ANKRD13B: variants seen among roughly 807,000 people sequenced by gnomAD.
ANKRD13B encodes ankyrin repeat domain-containing protein 13B.
Under a neutral mutation model 74.4 loss-of-function variants are expected in ANKRD13B, and 33 were observed. That is an observed-to-expected ratio of 0.44 (90% CI 0.34 to 0.59). The LOEUF is 0.59. Among genes scored for constraint, ANKRD13B ranks in the 20% least tolerant of loss-of-function variants. The pLI, the probability that ANKRD13B is intolerant of heterozygous loss-of-function variation, is 0.02. For missense variants in ANKRD13B, 676 were observed against 877.9 expected (o/e 0.77, Z 2.91); for synonymous variants, 341 against 362.9 (o/e 0.94, Z 0.68).
In ANKRD13B at chr17:29,608,102, C is replaced by G; in HGVS notation, c.367C>G (p.Leu123Val). 1 of 1,613,152 alleles carries G rather than the reference C, an allele frequency of 6.2e-7. No individual in the cohort carries two copies. Among genetic ancestry groups the G allele is most frequent in the Non-Finnish European group, 8.5e-7 (1 of 1,179,670 alleles). Residue 123 changes from leucine to valine, a missense_variant, in exon 3 of 15, where the codon CTG (leucine) becomes GTG (valine). By Grantham distance (32) the Leu-to-Val change is conservative. Transcript: ENST00000394859. This position sits in a 1 kb window ranked among gnomAD's most constrained non-coding sequence, Gnocchi z 6.4. ...LAGIPVLLEK[L>V]RKAQDFYVEM... Reference sequence around the variant, plus strand: ...GGGCATCCCCGTGCTCCTGGAGAAGCTGCGCAAGGTGAGGCCCAGCCTCTC... The same window carrying G: ...GGGCATCCCCGTGCTCCTGGAGAAGGTGCGCAAGGTGAGGCCCAGCCTCTC...
At position 29,608,277 on chromosome 17, in the gene ANKRD13B, C is replaced by T. The variant is rs759966152; in HGVS notation, c.421+37C>T. The T allele has an allele frequency of 6.8e-6, 11 of 1,613,290 alleles. No homozygotes were observed. The highest frequency in any genetic ancestry group is 9.3e-6 in the Non-Finnish European group (11 of 1,179,520). ...GCAGCAGGTCGCTTCTGGGCTCTCCCACTTTAGGTCCTGCGCTTGCTCCCC... is the reference window on the plus strand; with the variant it reads ...GCAGCAGGTCGCTTCTGGGCTCTCCTACTTTAGGTCCTGCGCTTGCTCCCC... On this transcript the variant is annotated intron_variant, in intron 4 of 14. Coordinates refer to ENST00000394859, the MANE Select transcript of ANKRD13B (RefSeq NM_152345.5). The surrounding 1 kb of genome is among the most constrained non-coding windows in gnomAD (Gnocchi z 6.4).
intron 1 of ANKRD13B, among the ~76,000 whole-genome samples, chr17:29,606,284 C>T (rs995374231): frequency 9.4e-5 from 14 of 148,766 alleles, no homozygotes; most frequent in South Asian, 2.3e-4. Context: ...TAAGACCGGG[C>T]GTGGTGGCTC....
At chr17:29,603,327 G>A (rs915864744) in intron 1 of ANKRD13B, among the ~76,000 whole-genome samples, 6 of 151,764 alleles carry the variant, frequency 4.0e-5, no homozygotes, top group African/African-American at 1.2e-4. Context: ...CTGCAGCCTC[G>A]AACTCCTGGG....
At chr17:29,601,122 C>T (rs1471681775) in intron 1 of ANKRD13B, among the ~76,000 whole-genome samples, 3 of 151,888 alleles carry the variant, frequency 2.0e-5, no homozygotes, top group Admixed American at 2.0e-4. Flanking sequence ...CAGAGTTTCA[C>T]CACATTGCCC....
intron 1 of ANKRD13B, among the ~76,000 whole-genome samples, chr17:29,596,825 C>G (rs117421059): frequency 6.6e-6 from 1 of 152,108 alleles, no homozygotes; most frequent in Non-Finnish European, 1.5e-5. Flanking sequence ...CTAGGAAGCT[C>G]GGGAGAGGGA....
In ANKRD13B at chr17:29,611,555, T is replaced by C; in HGVS notation, c.905-24T>C. ...AGGTGTGTGTGGAGTTGCGGTGTCC[T>C]CTGAGATGCCACATTTCTTGTAGGC... On this transcript the variant is annotated intron_variant, in intron 8 of 14. Coordinates refer to ENST00000394859, the MANE Select transcript of ANKRD13B (RefSeq NM_152345.5). The surrounding 1 kb of genome is among the most constrained non-coding windows in gnomAD (Gnocchi z 4.3). 1 of 1,613,378 alleles carries C rather than the reference T, an allele frequency of 6.2e-7. No homozygotes were observed. The highest frequency in any genetic ancestry group is 8.5e-7 in the Non-Finnish European group (1 of 1,179,364).
chr17:29,612,796 C>T lies in ANKRD13B; in HGVS notation c.1556C>T (p.Ala519Val). 1 of 1,602,770 alleles carries T rather than the reference C, an allele frequency of 6.2e-7. No individual in the cohort carries two copies. Residue 519 changes from alanine (A) to valine (V), a missense_variant, in exon 13 of 15, where the codon GCG (alanine) becomes GTG (valine). By Grantham distance (64) the Ala-to-Val change is moderately conservative. Transcript: ENST00000394859. This position sits in a 1 kb window ranked among gnomAD's most constrained non-coding sequence, Gnocchi z 6.1. ...QFAIQQSLLE[A>V]GSEYDQVTIW... Reference sequence around the variant, plus strand: ...GCCATCCAGCAGAGCCTGCTTGAGGCGGGCAGTGAGTATGACCAGGTGCGT... The same window carrying T: ...GCCATCCAGCAGAGCCTGCTTGAGGTGGGCAGTGAGTATGACCAGGTGCGT...
Position 29,593,747 on chromosome 17 carries a change from T to A in ANKRD13B, c.114+12T>A. The A allele has an allele frequency of 7.3e-7, 1 of 1,373,002 alleles. No homozygotes were observed. The highest frequency in any genetic ancestry group is 9.5e-7 in the Non-Finnish European group (1 of 1,053,964). The allele number at this position is 1,373,002 out of a possible 1,614,324, so 85.1% of individuals were successfully genotyped here. A position where few individuals can be genotyped will look rare whatever the true frequency, so the allele number is the denominator to read the frequency against. On this transcript the variant is annotated intron_variant, in intron 1 of 14. Transcript: ENST00000394859. ...TCCGCGCGGGCCAGGTAGGAGCGCCTTCGGGGCGCCGCGGGGACCCCGCGG... is the reference window on the plus strand; with the variant it reads ...TCCGCGCGGGCCAGGTAGGAGCGCCATCGGGGCGCCGCGGGGACCCCGCGG...
Position 29,609,444 on chromosome 17 carries a change from C to T in ANKRD13B, c.822+23C>T. On this transcript the variant is annotated intron_variant, in intron 7 of 14. Transcript: ENST00000394859. This position sits in a 1 kb window ranked among gnomAD's most constrained non-coding sequence, Gnocchi z 4.0. ...AAGGTGAGGCTGCAGCTCCCAGCTGCCAGCCCAGCTGCACTCTTGCCTACA... is the reference window on the plus strand; with the variant it reads ...AAGGTGAGGCTGCAGCTCCCAGCTGTCAGCCCAGCTGCACTCTTGCCTACA... 6.2e-7 allele frequency: 1 copy of T among 1,612,136 alleles called. No individual in the cohort carries two copies. Among genetic ancestry groups the T allele is most frequent in the Non-Finnish European group, 8.5e-7 (1 of 1,179,472 alleles).
Position 29,611,827 on chromosome 17 carries a change from G to A in ANKRD13B, c.970-49G>A. The A allele has an allele frequency of 1.3e-6, 2 of 1,565,232 alleles. No homozygotes were observed. Among genetic ancestry groups the A allele is most frequent in the East Asian group, 2.3e-5 (1 of 44,360 alleles). On this transcript the variant is annotated intron_variant, in intron 9 of 14. Coordinates refer to ENST00000394859, the MANE Select transcript of ANKRD13B (RefSeq NM_152345.5). The surrounding 1 kb of genome is among the most constrained non-coding windows in gnomAD (Gnocchi z 4.3). ...CTTGTGACAACAAATGAGTTGGCCT[G>A]GCATTAGGAACTGAGGGGAGCTCCT... is the stretch of plus-strand genomic sequence containing the variant.
intron 8 of ANKRD13B, 122 bp downstream of exon 8, chr17:29,610,888 C>A: frequency 2.1e-6 from 2 of 963,184 alleles, no homozygotes; most frequent in Non-Finnish European, 3.1e-6. Context: ...TTTATTCAGG[C>A]CGATAGATTT....
At position 29,613,813 on chromosome 17, in the gene ANKRD13B, C is replaced by T; in HGVS notation, c.*231C>T. On this transcript the variant is annotated 3_prime_UTR_variant, in exon 15 of 15. Coordinates refer to ENST00000394859, the MANE Select transcript of ANKRD13B (RefSeq NM_152345.5). Reference sequence around the variant, plus strand: ...GGCACGGCCTGGTCCCCCTGCTTTGCTGTATTCTGATTCCCCAACCCGCTC... The same window carrying T: ...GGCACGGCCTGGTCCCCCTGCTTTGTTGTATTCTGATTCCCCAACCCGCTC... 1 of 624,008 alleles carries T rather than the reference C, an allele frequency of 1.6e-6. No individual in the cohort carries two copies. The highest frequency in any genetic ancestry group is 2.5e-6 in the Non-Finnish European group (1 of 397,132). The allele number at this position is 624,008 out of a possible 1,614,324, so 38.7% of individuals were successfully genotyped here.
chr17:29,609,058 T>A lies in ANKRD13B; in HGVS notation c.566-28T>A, dbSNP rs374594772. On this transcript the variant is annotated intron_variant, in intron 5 of 14. Transcript: ENST00000394859. This position sits in a 1 kb window ranked among gnomAD's most constrained non-coding sequence, Gnocchi z 4.0. ...GGAGGCAGCCCCAGGCCACCCCTGA[T>A]CCCCCTGTGCTGTTCCGTGTCTGGC... The A allele has an allele frequency of 1.2e-6, 2 of 1,612,254 alleles. No homozygotes were observed. Among genetic ancestry groups the A allele is most frequent in the South Asian group, 2.2e-5 (2 of 91,062 alleles).
Position 29,612,372 on chromosome 17 carries a change from G to C in ANKRD13B, c.1259-30G>C. On this transcript the variant is annotated intron_variant, in intron 11 of 14. Coordinates refer to ENST00000394859, the MANE Select transcript of ANKRD13B (RefSeq NM_152345.5). This position sits in a 1 kb window ranked among gnomAD's most constrained non-coding sequence, Gnocchi z 6.1. ...GAGGCTGAGGTGTGAGGGGCTGAGT[G>C]GTGGCGCCTAAAGGTTTCCTCATCC... 6.2e-7 allele frequency: 1 copy of C among 1,611,968 alleles called. No homozygotes were observed. The highest frequency in any genetic ancestry group is 8.5e-7 in the Non-Finnish European group (1 of 1,178,586).
rs771687136 is a variant in ANKRD13B, at chr17:29,610,669, C to A, written c.823-16C>A. The A allele has an allele frequency of 1.2e-6, 2 of 1,613,098 alleles. No individual in the cohort carries two copies. The highest frequency in any genetic ancestry group is 4.5e-5 in the East Asian group (2 of 44,886). ...GACCAGAACTGCTTATGAGCCCTTT[C>A]TTCATCTGTCCCCAGGTGTATGGGG... On this transcript the variant is annotated splice_polypyrimidine_tract_variant and intron_variant, in intron 7 of 14. Coordinates refer to ENST00000394859, the MANE Select transcript of ANKRD13B (RefSeq NM_152345.5).
At chr17:29,602,806 T>A (rs1216779848) in intron 1 of ANKRD13B, among the ~76,000 whole-genome samples, 2 of 152,200 alleles carry the variant, frequency 1.3e-5, no homozygotes, top group African/African-American at 2.4e-5. Flanking sequence ...CCATAGTAGT[T>A]TTTATCAAGT....
intron 1 of ANKRD13B, among the ~76,000 whole-genome samples, chr17:29,596,401 A>G (rs1436664457): frequency 6.6e-6 from 1 of 152,232 alleles, no homozygotes. Context: ...CGGGGGGGAC[A>G]GGGTTGTAAG....
chr17:29,600,922 CTTTT>C (rs35831588), intron 1 of ANKRD13B, among the ~76,000 whole-genome samples: 2 of 125,680 alleles, frequency 1.6e-5, no homozygotes, highest in Admixed American at 8.3e-5. Flanking sequence ...ATTTTACTGA[CTTTT>C]TTTTTTTTTT....
At position 29,614,674 on chromosome 17, in the gene ANKRD13B, AAG is replaced by A; in HGVS notation, c.*1096_*1097del. ...CAAAGAGGGATGGAAGAAAAGAACA[AAG>A]AGAAACTGTTCCTCCCACCCCCTTC... On this transcript the variant is annotated 3_prime_UTR_variant, in exon 15 of 15. Coordinates refer to ENST00000394859, the MANE Select transcript of ANKRD13B (RefSeq NM_152345.5). 6.6e-6 allele frequency: 1 copy of A among 152,632 alleles called. No homozygotes were observed. Among genetic ancestry groups the A allele is most frequent in the East Asian group, 1.9e-4 (1 of 5,176 alleles). The allele number at this position is 152,632 out of a possible 1,614,324, so 9.5% of individuals were successfully genotyped here.
Sources: allele counts gnomAD v4.1 joint callset (sites outside exome capture counted in the v4.1 genomes callset), GRCh38; gene constraint gnomAD v4.1.1; non-coding constraint Gnocchi (gnomAD v3.1); transcripts MANE v1.5; gene names NCBI Gene and HGNC (gene_info 2026-07-23, HGNC 2026-07-21).